Variants in SEMA6D observed in about 807,000 individuals in gnomAD.
SEMA6D encodes semaphorin-6D.
In SEMA6D, 35 loss-of-function variants were observed where a neutral mutation model predicts 106.6. The observed-to-expected ratio is 0.33, with a 90% confidence interval of 0.25 to 0.44. The LOEUF (loss-of-function observed/expected upper bound fraction) is 0.44, where lower values mean the gene tolerates loss of function less well. SEMA6D is among the 20% of genes least tolerant of loss of function. The probability of loss-of-function intolerance (pLI) is 1.00; values close to 1 mark genes in which losing one functional copy is unlikely to be tolerated. For missense variants in SEMA6D, 1,185 were observed against 1,345.9 expected (o/e 0.88, Z 1.87); for synonymous variants, 499 against 487.7 (o/e 1.02, Z -0.31).
intron 1 of SEMA6D, among the ~76,000 whole-genome samples, chr15:47,323,850 C>T (rs1460093234): frequency 6.6e-6 from 1 of 152,032 alleles, no homozygotes; most frequent in East Asian, 1.9e-4. Flanking sequence ...CTAAAATTAT[C>T]ACCTCTCCAT....
rs2141835851 is a variant in SEMA6D, at chr15:47,245,165, AGTGCATGT to A, written c.-239+60750_-239+60757del. ...TGTATAGTACTGCAATGAATATACA[AGTGCATGT>A]GTCTTTTTTGTGGAGTAATTTATTT... On this transcript the variant is annotated intron_variant, in intron 1 of 19. Transcript: ENST00000558014. Among the ~76,000 whole-genome samples, 3 of 152,220 alleles carry A rather than the reference AGTGCATGT, an allele frequency of 2.0e-5. No individual in the cohort carries two copies. In the South Asian group the frequency reaches 6.2e-4, roughly 32 times the overall value.
chr15:47,332,811 A>G (rs1205224605), intron 1 of SEMA6D, among the ~76,000 whole-genome samples: 1 of 152,164 alleles, frequency 6.6e-6, no homozygotes, highest in Admixed American at 6.5e-5. Flanking sequence ...AAGACCCTAA[A>G]TGGGAGGGTC....
intron 3 of SEMA6D, among the ~76,000 whole-genome samples, chr15:47,502,144 G>A (rs1172129544): frequency 6.6e-6 from 1 of 152,108 alleles, no homozygotes; most frequent in African/African-American, 2.4e-5. Context: ...GCAAATCTGT[G>A]CCGTACACAT....
intron 1 of SEMA6D, among the ~76,000 whole-genome samples, chr15:47,361,789 A>G (rs868235938): frequency 2.1e-4 from 32 of 150,632 alleles, no homozygotes; most frequent in Admixed American, 9.3e-4. Flanking sequence ...CCGCCCCTCC[A>G]CTCTCTCCAG....
At chr15:47,300,515 A>G (rs1309898747) in intron 1 of SEMA6D, among the ~76,000 whole-genome samples, 2 of 152,208 alleles carry the variant, frequency 1.3e-5, no homozygotes, top group Non-Finnish European at 2.9e-5. Context: ...CCATTAAGCT[A>G]TACACAAGCT....
intron 1 of SEMA6D, among the ~76,000 whole-genome samples, chr15:47,230,599 C>G (rs768444887): frequency 3.3e-5 from 5 of 151,978 alleles, no homozygotes; most frequent in Non-Finnish European, 5.9e-5. Flanking sequence ...AGTCACAGGT[C>G]ACCAGGATTT....
chr15:47,719,873 G>A (rs1175451667), intron 1 of SEMA6D, among the ~76,000 whole-genome samples: 1 of 152,196 alleles, frequency 6.6e-6, no homozygotes, highest in East Asian at 1.9e-4. Flanking sequence ...GTGAGTGACA[G>A]GCATATTCTT....
intron 3 of SEMA6D, among the ~76,000 whole-genome samples, chr15:47,591,841 G>A (rs2040402980): frequency 6.6e-6 from 1 of 152,182 alleles, no homozygotes; most frequent in Admixed American, 6.5e-5. Context: ...AAGAAGCAAA[G>A]TTATGTGCTG....
chr15:47,468,845 C>T (rs1221947147), intron 2 of SEMA6D, among the ~76,000 whole-genome samples: 1 of 152,122 alleles, frequency 6.6e-6, no homozygotes, highest in Admixed American at 6.6e-5. Flanking sequence ...GCTGCATTCG[C>T]TTACCCTCAT....
intron 1 of SEMA6D, among the ~76,000 whole-genome samples, chr15:47,313,048 A>G (rs1787578749): frequency 6.6e-6 from 1 of 152,078 alleles, no homozygotes; most frequent in African/African-American, 2.4e-5. Flanking sequence ...AGCCCCACAC[A>G]TGCATAGCCT....
chr15:47,652,586 A>T (rs578031038), intron 4 of SEMA6D, among the ~76,000 whole-genome samples: 1 of 152,274 alleles, frequency 6.6e-6, no homozygotes, highest in Admixed American at 6.5e-5. Context: ...TGCATCATAT[A>T]TAAACAGAAA....
chr15:47,651,601 G>A (rs946094408), intron 4 of SEMA6D, among the ~76,000 whole-genome samples: 1 of 152,122 alleles, frequency 6.6e-6, no homozygotes, highest in Non-Finnish European at 1.5e-5. Context: ...CAACCACCAG[G>A]TTCTTCACAT....
chr15:47,343,717 A>G (rs2037926139), intron 1 of SEMA6D, among the ~76,000 whole-genome samples: 1 of 152,134 alleles, frequency 6.6e-6, no homozygotes, highest in Admixed American at 6.6e-5. Context: ...CAATAAACAT[A>G]CGTGTGTGTG....
At chr15:47,561,599 A>G (rs1425208903) in intron 3 of SEMA6D, among the ~76,000 whole-genome samples, 1 of 151,456 alleles carries the variant, frequency 6.6e-6, no homozygotes, top group Non-Finnish European at 1.5e-5. Context: ...AATATATAGG[A>G]TATTTTAAAT....
chr15:47,605,496 G>C (rs1335474700), intron 4 of SEMA6D: 3 of 152,168 alleles, frequency 2.0e-5, no homozygotes, highest in African/African-American at 7.2e-5. Flanking sequence ...AGTTAGTGCA[G>C]ACACCCCTGG....
At chr15:47,644,976 C>T (rs2077554265) in intron 4 of SEMA6D, among the ~76,000 whole-genome samples, 1 of 152,118 alleles carries the variant, frequency 6.6e-6, no homozygotes, top group Non-Finnish European at 1.5e-5. Context: ...TTCAGGGACA[C>T]AGCATGCTGA....
intron 3 of SEMA6D, among the ~76,000 whole-genome samples, chr15:47,526,875 T>G (rs2044777163): frequency 6.6e-6 from 1 of 152,150 alleles, no homozygotes; most frequent in Admixed American, 6.5e-5. Flanking sequence ...TAGCTGAGAT[T>G]ACAGGCACCT....
intron 4 of SEMA6D, among the ~76,000 whole-genome samples, chr15:47,632,195 A>G (rs899157518): frequency 1.3e-5 from 2 of 151,858 alleles, no homozygotes; most frequent in African/African-American, 4.8e-5. Context: ...TTATTTTAAA[A>G]TTGTTGAGGT....
intron 1 of SEMA6D, among the ~76,000 whole-genome samples, chr15:47,754,599 T>C (rs1018688567): frequency 6.6e-6 from 1 of 152,230 alleles, no homozygotes; most frequent in Non-Finnish European, 1.5e-5. Flanking sequence ...ATTTTTACTA[T>C]GATGTGTCTA....
Sources: allele counts gnomAD v4.1 joint callset (sites outside exome capture counted in the v4.1 genomes callset), GRCh38; gene constraint gnomAD v4.1.1; transcripts MANE v1.5; gene names NCBI Gene and HGNC (gene_info 2026-07-23, HGNC 2026-07-21).